FGF12: variants seen among roughly 807,000 people sequenced by gnomAD.
FGF12 encodes the protein fibroblast growth factor 12B.
FGF12 carries 14 observed loss-of-function variants against 23.6 expected under a neutral mutation model. The observed-to-expected ratio is 0.59, with a 90% CI of 0.39 to 0.93. The LOEUF (loss-of-function observed/expected upper bound fraction) is 0.93. FGF12 is among the 40% of genes least tolerant of loss of function. The pLI is 0.00. For synonymous variants in FGF12, 62 were observed against 77.3 expected, an observed-to-expected ratio of 0.80 and a Z score of 1.04; for missense variants, 175 against 217.8, an observed-to-expected ratio of 0.80 and a Z score of 1.24.
At chr3:192,199,579 T>C (rs1403034) in intron 4 of FGF12, among the ~76,000 whole-genome samples, 3,824 of 152,286 alleles carry the variant, frequency 0.025, 174 homozygotes, top group African/African-American at 0.088. Flanking sequence ...TCACCTAACC[T>C]GCATTTGGTT....
Position 192,469,227 on chromosome 3 carries a change from T to C in FGF12, c.14-108689A>G, listed in dbSNP as rs147019198. ...TGGCTCTTTTTATGAAAGAATGCAATTTAGAAATGAAACTTAGATCTGGTT... is the reference window on the plus strand; with the variant it reads ...TGGCTCTTTTTATGAAAGAATGCAACTTAGAAATGAAACTTAGATCTGGTT... On this transcript the variant is annotated intron_variant, in intron 2 of 5. Coordinates refer to ENST00000445105, the MANE Select transcript of FGF12 (RefSeq NM_004113.6). 4.0e-3 allele frequency among the ~76,000 whole-genome samples: 613 copies of C among 152,312 alleles called. 4 individuals carry two copies. Among genetic ancestry groups the C allele is most frequent in the Non-Finnish European group, 5.7e-3 (386 of 68,026 alleles).
chr3:192,252,544 GTCT>G lies in FGF12; in HGVS notation c.229-81891_229-81889del, dbSNP rs1379888846. On this transcript the variant is annotated intron_variant, in intron 4 of 5. Coordinates refer to ENST00000445105, the MANE Select transcript of FGF12 (RefSeq NM_004113.6). Reference sequence around the variant, plus strand: ...GACAAGAAAAGACAAGAAAAGAAAAGTCTTCTCCAACTCTACAGTGACCGAGGA... The same window carrying G: ...GACAAGAAAAGACAAGAAAAGAAAAGTCTCCAACTCTACAGTGACCGAGGA... Among the ~76,000 whole-genome samples the G allele has an allele frequency of 2.8e-5, 4 of 141,188 alleles. No individual in the cohort carries two copies. In the East Asian group the frequency reaches 8.6e-4, roughly 30 times the overall value. 92.6% of individuals were successfully genotyped at this position (141,188 alleles called of 152,430 possible). A position where few individuals can be genotyped will look rare whatever the true frequency, so the allele number is the denominator to read the frequency against.
intron 5 of FGF12, among the ~76,000 whole-genome samples, chr3:192,146,272 A>ATTTTTTTTTTTT (rs10676941): frequency 2.1e-5 from 3 of 143,252 alleles, no homozygotes; most frequent in African/African-American, 7.9e-5. Context: ...TAAAGTGTAT[A>ATTTTTTTTTTTT]TTTTTTTTTT....
chr3:192,156,634 G>C (rs916510089), intron 5 of FGF12, among the ~76,000 whole-genome samples: 4 of 149,322 alleles, frequency 2.7e-5, no homozygotes, highest in African/African-American at 1.0e-4. Context: ...GCTTTTCTGG[G>C]TTGTCCTTGA....
chr3:192,413,818 G>A (rs1721268446), intron 2 of FGF12, among the ~76,000 whole-genome samples: 1 of 152,166 alleles, frequency 6.6e-6, no homozygotes, highest in Admixed American at 6.5e-5. Flanking sequence ...TGAGCTCACT[G>A]GGCTCTGCCA....
intron 4 of FGF12, among the ~76,000 whole-genome samples, chr3:192,187,745 G>A (rs538698298): frequency 6.6e-6 from 1 of 150,596 alleles, no homozygotes; most frequent in East Asian, 1.9e-4. Context: ...AGAGATAAAC[G>A]AAAGGAGAGA....
intron 2 of FGF12, among the ~76,000 whole-genome samples, chr3:192,542,351 TTA>T (rs1725390568): frequency 6.6e-6 from 1 of 152,222 alleles, no homozygotes; most frequent in African/African-American, 2.4e-5. Flanking sequence ...TCTTTTTTAA[TTA>T]TTTGAATTCC....
At chr3:192,346,132 A>C (rs1717948384) in intron 3 of FGF12, among the ~76,000 whole-genome samples, 1 of 152,096 alleles carries the variant, frequency 6.6e-6, no homozygotes, top group Admixed American at 6.6e-5. Flanking sequence ...GTCTACTATA[A>C]ACTCCAGTTA....
intron 2 of FGF12, among the ~76,000 whole-genome samples, chr3:192,623,916 T>A (rs1401739217): frequency 6.6e-6 from 1 of 152,160 alleles, no homozygotes; most frequent in Non-Finnish European, 1.5e-5. Flanking sequence ...CAAAAAGTAA[T>A]TAGTTTATGG....
chr3:192,512,937 A>C lies in FGF12; in HGVS notation c.14-152399T>G, dbSNP rs143705947. ...AAAGATGGGTAGTGACTTATTGAGA[A>C]TGTGTTACAACTAAATCAGTCCCAT... is the stretch of plus-strand genomic sequence containing the variant. On this transcript the variant is annotated intron_variant, in intron 2 of 5. Coordinates refer to ENST00000445105, the MANE Select transcript of FGF12 (RefSeq NM_004113.6). Among the ~76,000 whole-genome samples, 620 of 148,472 alleles carry C rather than the reference A, an allele frequency of 4.2e-3. 5 individuals carry two copies. Among genetic ancestry groups the C allele is most frequent in the African/African-American group, 0.015 (603 of 40,402 alleles).
At chr3:192,533,634 A>G (rs939338956) in intron 2 of FGF12, among the ~76,000 whole-genome samples, 7 of 152,124 alleles carry the variant, frequency 4.6e-5, no homozygotes, top group African/African-American at 1.4e-4. Context: ...TTGGACATAG[A>G]CTTTTGAACT....
At chr3:192,274,144 T>G (rs1315542514) in intron 4 of FGF12, among the ~76,000 whole-genome samples, 1 of 152,096 alleles carries the variant, frequency 6.6e-6, no homozygotes, top group Non-Finnish European at 1.5e-5. Context: ...AGAAATAGAG[T>G]TAATAAAGAT....
chr3:192,267,658 T>C (rs959465029), intron 4 of FGF12, among the ~76,000 whole-genome samples: 2 of 152,186 alleles, frequency 1.3e-5, no homozygotes, highest in African/African-American at 4.8e-5. Flanking sequence ...AAATGTGGCA[T>C]TGTGGACATT....
At chr3:192,418,133 A>G (rs1260508561) in intron 2 of FGF12, among the ~76,000 whole-genome samples, 2 of 152,094 alleles carry the variant, frequency 1.3e-5, no homozygotes, top group Non-Finnish European at 2.9e-5. Flanking sequence ...TACTCTCCAC[A>G]TTGTAATTTT....
chr3:192,573,670 G>T (rs999350146), intron 2 of FGF12, among the ~76,000 whole-genome samples: 1 of 152,002 alleles, frequency 6.6e-6, no homozygotes, highest in Non-Finnish European at 1.5e-5. Flanking sequence ...ATCTCCTATT[G>T]GTTCCAATTC....
At chr3:192,463,856 G>C (rs1722932241) in intron 2 of FGF12, among the ~76,000 whole-genome samples, 1 of 152,014 alleles carries the variant, frequency 6.6e-6, no homozygotes. Flanking sequence ...TTTAAATTAA[G>C]AACAAAGCTA....
intron 2 of FGF12, among the ~76,000 whole-genome samples, chr3:192,493,447 T>A (rs1051615011): frequency 2.6e-5 from 4 of 152,206 alleles, no homozygotes; most frequent in African/African-American, 9.6e-5. Flanking sequence ...GTTTTATTAT[T>A]TTATAGCAAA....
intron 4 of FGF12, among the ~76,000 whole-genome samples, chr3:192,273,956 G>C (rs111456978): frequency 0.016 from 2,395 of 151,284 alleles, 25 homozygotes; most frequent in Non-Finnish European, 0.024. Context: ...CCTGTCATCA[G>C]CATCGTAATG....
intron 4 of FGF12, among the ~76,000 whole-genome samples, chr3:192,334,607 T>A (rs1472403564): frequency 6.6e-6 from 1 of 152,146 alleles, no homozygotes. Context: ...ACAAGCATCA[T>A]AATTGTGTTT....
Sources: allele counts gnomAD v4.1 joint callset (sites outside exome capture counted in the v4.1 genomes callset), GRCh38; gene constraint gnomAD v4.1.1; transcripts MANE v1.5; gene names NCBI Gene and HGNC (gene_info 2026-07-23, HGNC 2026-07-21).